The following ITPR2 variants were observed in gnomAD, a reference collection of about 807,000 sequenced individuals.
ITPR2 encodes inositol 1,4,5-trisphosphate-gated calcium channel ITPR2.
ITPR2 carries 207 observed loss-of-function variants against 317.1 expected under a neutral mutation model. That is an observed-to-expected ratio of 0.65 (90% confidence interval 0.58 to 0.73). The LOEUF (loss-of-function observed/expected upper bound fraction) is 0.73. Ranked by LOEUF, ITPR2 falls within the 30% of genes least tolerant of loss-of-function variation. The pLI, the probability that ITPR2 is intolerant of heterozygous loss-of-function variation, is 0.00. For synonymous variants in ITPR2, 1,156 were observed against 1,149.1 expected, an observed-to-expected ratio of 1.01 and a Z score of -0.12; for missense variants, 2,613 against 3,284.0, an observed-to-expected ratio of 0.80 and a Z score of 4.99.
chr12:26,446,134 G>A (rs180921113), intron 45 of ITPR2, among the ~76,000 whole-genome samples: 1 of 152,096 alleles, frequency 6.6e-6, no homozygotes, highest in Non-Finnish European at 1.5e-5. Flanking sequence ...GACGAGAGAG[G>A]AGGTGTTGGA....
At chr12:26,751,445 GT>G (rs2137104884) in intron 2 of ITPR2, among the ~76,000 whole-genome samples, 1 of 152,216 alleles carries the variant, frequency 6.6e-6, no homozygotes, top group South Asian at 2.1e-4. Context: ...AACCAGCGTT[GT>G]AGCCTTGAGG....
intron 55 of ITPR2, among the ~76,000 whole-genome samples, chr12:26,348,094 GC>G (rs1428604849): frequency 6.6e-6 from 1 of 152,102 alleles, no homozygotes; most frequent in East Asian, 1.9e-4. Context: ...CATTCACAAA[GC>G]CTTCTAGGCT....
At chr12:26,679,435 G>A (rs114536384) in intron 13 of ITPR2, among the ~76,000 whole-genome samples, 22 of 152,232 alleles carry the variant, frequency 1.4e-4, no homozygotes, top group African/African-American at 5.1e-4. Flanking sequence ...TGAATCCCAT[G>A]AAGCCATCAC....
chr12:26,483,998 A>C, intron 41 of ITPR2, 100 bp from the exon 42 acceptor site: 2 of 1,031,238 alleles, frequency 1.9e-6, no homozygotes, highest in South Asian at 3.1e-5. Context: ...TTTTCTTTGT[A>C]AGAAAAGTAT....
intron 34 of ITPR2, among the ~76,000 whole-genome samples, chr12:26,567,960 A>AT (rs1555157680): frequency 4.1e-4 from 4 of 9,720 alleles, no homozygotes; most frequent in Non-Finnish European, 9.9e-4. Context: ...TTATATATAT[A>AT]TATATATATT....
rs142268719 is a variant in ITPR2 at position 26,596,396 on chromosome 12, C to T, written c.4254+487G>A. On this transcript the variant is annotated intron_variant, in intron 31 of 56. Coordinates refer to ENST00000381340, the MANE Select transcript of ITPR2 (RefSeq NM_002223.4). Reference sequence around the variant, plus strand: ...CTGTGGTGGCTCACGCCTGTAAATCCAACACTTTGGGAGGCCGAGGCAGGT... The same window carrying T: ...CTGTGGTGGCTCACGCCTGTAAATCTAACACTTTGGGAGGCCGAGGCAGGT... Among the ~76,000 whole-genome samples the T allele has an allele frequency of 7.0e-3, 1,059 of 152,220 alleles. 11 individuals are homozygous for T. The highest frequency in any genetic ancestry group is 0.024 in the African/African-American group (1,017 of 41,532).
intron 48 of ITPR2, among the ~76,000 whole-genome samples, chr12:26,432,218 A>G (rs7954218): frequency 0.99 from 150,818 of 152,244 alleles, 74,712 homozygotes; most frequent in South Asian, 1. Context: ...CATGGGATTC[A>G]GTTGTCACGT....
At chr12:26,814,243 C>T (rs181230592) in intron 1 of ITPR2, among the ~76,000 whole-genome samples, 1 of 152,208 alleles carries the variant, frequency 6.6e-6, no homozygotes, top group Admixed American at 6.5e-5. Flanking sequence ...TGAAGGAACC[C>T]AGGAGATTAT....
intron 37 of ITPR2, among the ~76,000 whole-genome samples, chr12:26,537,193 C>A (rs1048260291): frequency 1.2e-4 from 18 of 152,244 alleles, no homozygotes; most frequent in Admixed American, 2.6e-4. Flanking sequence ...TTGGTCTGTA[C>A]ATTTTGTGCA....
At chr12:26,739,103 T>C (rs1271504377) in intron 2 of ITPR2, among the ~76,000 whole-genome samples, 1 of 152,198 alleles carries the variant, frequency 6.6e-6, no homozygotes, top group African/African-American at 2.4e-5. Context: ...ATGACCATAA[T>C]TAGATACCAC....
intron 13 of ITPR2, among the ~76,000 whole-genome samples, chr12:26,669,695 C>T (rs768666033): frequency 3.9e-4 from 59 of 152,234 alleles, no homozygotes; most frequent in Non-Finnish European, 8.1e-4. Context: ...AGACAGTGGG[C>T]GCAGGTCAGT....
rs542106799 is a variant in ITPR2, at chr12:26,624,364, GA to G, written c.3065-9del. The G allele has an allele frequency of 2.4e-4, 387 of 1,597,528 alleles. No homozygotes were observed. Among genetic ancestry groups the G allele is most frequent in the Non-Finnish European group, 3.0e-4 (352 of 1,168,818 alleles). On this transcript the variant is annotated splice_polypyrimidine_tract_variant and intron_variant, in intron 23 of 56. Coordinates refer to ENST00000381340, the MANE Select transcript of ITPR2 (RefSeq NM_002223.4). ...CTATATCAGGAACAATAGCTGCAAA[GA>G]TAAATGGTAAAATCTCTTCTTTATC... is the stretch of plus-strand genomic sequence containing the variant.
intron 2 of ITPR2, among the ~76,000 whole-genome samples, chr12:26,727,695 C>A (rs1948954238): frequency 6.6e-6 from 1 of 152,162 alleles, no homozygotes; most frequent in South Asian, 2.1e-4. Context: ...CCTGCACGAA[C>A]AGGGGTTAAG....
intron 55 of ITPR2, among the ~76,000 whole-genome samples, chr12:26,351,172 G>A (rs1938471675): frequency 6.6e-6 from 1 of 152,186 alleles, no homozygotes; most frequent in Non-Finnish European, 1.5e-5. Flanking sequence ...GACGGGCACT[G>A]GTCCCAATGC....
At position 26,682,180 on chromosome 12, in the gene ITPR2, A is replaced by G. The variant is rs1045632633; in HGVS notation, c.1249-146T>C. On this transcript the variant is annotated intron_variant, in intron 12 of 56. Transcript: ENST00000381340. ...CTCCCACATGCATCATCCACTATGA[A>G]AGGCTGCAGGGACACAGAGATTTCC... 7 of 656,324 alleles carry G rather than the reference A, an allele frequency of 1.1e-5. No individual in the cohort carries two copies. In the African/African-American group the frequency reaches 1.3e-4, roughly 12 times the overall value. 40.7% of individuals were successfully genotyped at this position (656,324 alleles called of 1,614,324 possible).
chr12:26,468,608 C>T (rs73085237), intron 45 of ITPR2, among the ~76,000 whole-genome samples: 4,306 of 148,478 alleles, frequency 0.029, 141 homozygotes, highest in African/African-American at 0.082. Context: ...ACACAAGAAA[C>T]GTAAGCTCCA....
intron 45 of ITPR2, among the ~76,000 whole-genome samples, chr12:26,470,019 C>G (rs1161727745): frequency 6.6e-6 from 1 of 152,222 alleles, no homozygotes; most frequent in Non-Finnish European, 1.5e-5. Flanking sequence ...TGGCTCCCTG[C>G]TTTGGAAGAG....
intron 54 of ITPR2, among the ~76,000 whole-genome samples, chr12:26,397,632 A>T (rs904962408): frequency 6.6e-6 from 1 of 152,198 alleles, no homozygotes; most frequent in Non-Finnish European, 1.5e-5. Flanking sequence ...AATATTACAC[A>T]TTATTACCTG....
At chr12:26,517,926 T>C (rs1943568399) in intron 37 of ITPR2, among the ~76,000 whole-genome samples, 1 of 152,202 alleles carries the variant, frequency 6.6e-6, no homozygotes, top group African/African-American at 2.4e-5. Flanking sequence ...CTGGGGATAA[T>C]GTAAACTAGT....
Sources: gnomAD v4.1 joint callset for allele counts (sites outside exome capture counted in the v4.1 genomes callset) on GRCh38, gnomAD v4.1.1 for gene constraint, MANE v1.5 for transcripts, NCBI Gene and HGNC (gene_info 2026-07-23, HGNC 2026-07-21) for gene names.